MYO5A: variants seen among roughly 807,000 people sequenced by gnomAD.
The protein encoded by MYO5A is myosin VA.
In MYO5A, 98 loss-of-function variants were observed where a neutral mutation model predicts 249.7. The observed-to-expected ratio is 0.39, with a 90% CI of 0.33 to 0.46. The LOEUF (loss-of-function observed/expected upper bound fraction) is 0.46, where lower values mean the gene tolerates loss of function less well. Among genes scored for constraint, MYO5A ranks in the 20% least tolerant of loss-of-function variants. The probability of loss-of-function intolerance (pLI) is 0.98; values close to 1 mark genes in which losing one functional copy is unlikely to be tolerated. For synonymous variants in MYO5A, 778 were observed against 810.6 expected, an observed-to-expected ratio of 0.96 and a Z score of 0.68; for missense variants, 1,696 against 2,308.8, an observed-to-expected ratio of 0.73 and a Z score of 5.44.
chr15:52,367,115 T>G lies in MYO5A; in HGVS notation c.3076A>C (p.Asn1026His), dbSNP rs749563645. 1.2e-6 allele frequency: 2 copies of G among 1,613,274 alleles called. No individual in the cohort carries two copies. Among genetic ancestry groups the G allele is most frequent in the East Asian group, 4.5e-5 (2 of 44,856 alleles). ...AGCAAAGTATTTTCTTCCTTCAGAT[T>G]TGATACCAGCTACGAAATGAAACAA... is the stretch of plus-strand genomic sequence containing the variant. Reference protein sequence around the residue: ...YKQETEQLVSNLKEENTLLKQ... With the variant: ...YKQETEQLVSHLKEENTLLKQ... Residue 1026 changes from asparagine to histidine, a missense_variant, in exon 23 of 42, where the codon AAT becomes CAT. Physicochemically the swap from Asn to His is moderately conservative, Grantham distance 68. Around this residue, in one of 5 missense-constraint regions of MYO5A, gnomAD observed 412 missense variants for 453.3 expected, o/e 0.91. Transcript: ENST00000399233.
chr15:52,449,808 T>A (rs144473056), intron 1 of MYO5A, among the ~76,000 whole-genome samples: 8 of 152,276 alleles, frequency 5.3e-5, no homozygotes, highest in African/African-American at 7.2e-5. Context: ...AAGATCAGCC[T>A]GGGCAACACA....
rs187665355 is a variant in MYO5A, at chr15:52,333,322, T to A, written c.4409-2823A>T. Among the ~76,000 whole-genome samples the A allele has an allele frequency of 9.2e-5, 14 of 152,276 alleles. No individual in the cohort carries two copies. The East Asian group carries it at 2.7e-3, about 29-fold the overall frequency. On this transcript the variant is annotated intron_variant, in intron 34 of 41. Transcript: ENST00000399233. The stretch of plus-strand genomic sequence containing the variant: ...TTCTGTCTTCAAAAAGGAAAGAAAA[T>A]TGGAAAGTTTTAAAAAAATTTACTT...
intron 1 of MYO5A, among the ~76,000 whole-genome samples, chr15:52,457,826 A>G (rs2141396206): frequency 6.6e-6 from 1 of 152,356 alleles, no homozygotes; most frequent in South Asian, 2.1e-4. Flanking sequence ...TTATTGCAGT[A>G]CTATTAACAA....
At chr15:52,472,425 AG>A (rs2076494566) in intron 1 of MYO5A, among the ~76,000 whole-genome samples, 1 of 151,926 alleles carries the variant, frequency 6.6e-6, no homozygotes, top group Admixed American at 6.6e-5. Flanking sequence ...TTTAAGTTCT[AG>A]GGTACATGTG....
intron 1 of MYO5A, chr15:52,435,685 T>G: frequency 2.2e-6 from 1 of 455,284 alleles, no homozygotes; most frequent in Non-Finnish European, 4.4e-6. Context: ...GGTAAAATTT[T>G]TTACTTAAAG....
At position 52,375,308 on chromosome 15, in the gene MYO5A, C is replaced by T. The variant is rs483352686; in HGVS notation, c.2573G>A (p.Arg858His). The T allele has an allele frequency of 6.3e-5, 101 of 1,613,892 alleles. No individual in the cohort carries two copies. Among genetic ancestry groups the T allele is most frequent in the Non-Finnish European group, 7.7e-5 (91 of 1,179,950 alleles). ...AAGTTGAAAATAATGCCTCACCTTG[C>T]GATACCTATTTCTGGCCAAGAAGCC... ...LRGFLARNRYRKILREHKAVI... is the reference protein window; with the variant it reads ...LRGFLARNRYHKILREHKAVI... The change falls in exon 20 of 42, where the codon CGC becomes CAC. Residue 858 changes from arginine (R) to histidine (H), a missense_variant. By Grantham distance (29) the Arg-to-His change is conservative. Around this residue, in one of 5 missense-constraint regions of MYO5A, gnomAD observed 412 missense variants for 453.3 expected, o/e 0.91. Coordinates refer to ENST00000399233, the MANE Select transcript of MYO5A (RefSeq NM_001382347.1).
rs1319169208 is a variant in MYO5A at position 52,308,468 on chromosome 15, A to G, written c.*5228T>C. 1 of 152,232 alleles carries G rather than the reference A, an allele frequency of 6.6e-6. No homozygotes were observed. Among genetic ancestry groups the G allele is most frequent in the Non-Finnish European group, 1.5e-5 (1 of 68,044 alleles). 9.4% of individuals were successfully genotyped at this position (152,232 alleles called of 1,614,324 possible). On this transcript the variant is annotated 3_prime_UTR_variant, in exon 42 of 42. Transcript: ENST00000399233. ...TGAGTTATACCCTTTACCTTTAGTA[A>G]CAAAAGGTTAGTAGAAAGCAAGACA... is the stretch of plus-strand genomic sequence containing the variant.
chr15:52,404,879 AGGTGTTG>A (rs1447016818), intron 9 of MYO5A, among the ~76,000 whole-genome samples: 1 of 152,136 alleles, frequency 6.6e-6, no homozygotes, highest in Non-Finnish European at 1.5e-5. Flanking sequence ...ATGCCAAGTA[AGGTGTTG>A]GGTCTGCTTC....
At chr15:52,466,289 A>T (rs1455446773) in intron 1 of MYO5A, among the ~76,000 whole-genome samples, 1 of 152,124 alleles carries the variant, frequency 6.6e-6, no homozygotes, top group East Asian at 1.9e-4. Context: ...AACCTGTGGG[A>T]GGGGCTCCCA....
intron 22 of MYO5A, among the ~76,000 whole-genome samples, chr15:52,367,408 T>C (rs1189433179): frequency 6.6e-6 from 1 of 152,236 alleles, no homozygotes; most frequent in Non-Finnish European, 1.5e-5. Flanking sequence ...TTTTCCAGAA[T>C]AGACTAGAAT....
In MYO5A at chr15:52,323,343, A is replaced by C; in HGVS notation, c.4800+12T>G. On this transcript the variant is annotated intron_variant, in intron 37 of 41. Coordinates refer to ENST00000399233, the MANE Select transcript of MYO5A (RefSeq NM_001382347.1). ...GTATAGCATGCTGGTTTTGTAATCA[A>C]GGTTTTCTCACCTCTTCTCCACTGT... The C allele has an allele frequency of 6.2e-7, 1 of 1,606,518 alleles. No individual in the cohort carries two copies. Among genetic ancestry groups the C allele is most frequent in the Non-Finnish European group, 8.5e-7 (1 of 1,173,242 alleles).
rs1031118872 is a variant in MYO5A, at chr15:52,505,608, T to G, written c.27+23172A>C. ...AAAAACCTGCACTTGTTTCCAAGTCTTCCATCTTATTAGATGTGAAATCTT... is the reference window on the plus strand; with the variant it reads ...AAAAACCTGCACTTGTTTCCAAGTCGTCCATCTTATTAGATGTGAAATCTT... On this transcript the variant is annotated intron_variant, in intron 1 of 41. Transcript: ENST00000399233. The G allele has an allele frequency of 3.6e-6, 5 of 1,397,750 alleles. No individual in the cohort carries two copies. The African/African-American group carries it at 7.1e-5, about 20-fold the overall frequency. The allele number at this position is 1,397,750 out of a possible 1,614,324, so 86.6% of individuals were successfully genotyped here. A position where few individuals can be genotyped will look rare whatever the true frequency, so the allele number is the denominator to read the frequency against.
chr15:52,524,678 G>A (rs987783590), intron 1 of MYO5A, among the ~76,000 whole-genome samples: 11 of 152,024 alleles, frequency 7.2e-5, no homozygotes, highest in Non-Finnish European at 1.2e-4. Flanking sequence ...AGGAGTTTAA[G>A]ACCAGCCTGG....
At chr15:52,501,019 G>C (rs2077145464) in intron 1 of MYO5A, among the ~76,000 whole-genome samples, 1 of 151,912 alleles carries the variant, frequency 6.6e-6, no homozygotes, top group African/African-American at 2.4e-5. Context: ...GCCCAGGCTG[G>C]AGTGCAGTGG....
chr15:52,362,787 G>T (rs912239114), intron 24 of MYO5A, among the ~76,000 whole-genome samples: 1 of 152,148 alleles, frequency 6.6e-6, no homozygotes, highest in Non-Finnish European at 1.5e-5. Flanking sequence ...GCTGGAGGAG[G>T]CGTCACTGGA....
intron 25 of MYO5A, among the ~76,000 whole-genome samples, chr15:52,354,767 T>G (rs1043844054): frequency 3.3e-5 from 5 of 152,048 alleles, no homozygotes; most frequent in African/African-American, 1.2e-4. Context: ...GGGAGGAGAA[T>G]TGCTTGAACC....
chr15:52,446,917 C>A (rs561213456), intron 1 of MYO5A, among the ~76,000 whole-genome samples: 1 of 152,264 alleles, frequency 6.6e-6, no homozygotes, highest in African/African-American at 2.4e-5. Flanking sequence ...GGTATCTTGG[C>A]AGTAGTCAAC....
At chr15:52,506,715 A>T (rs1396378568) in intron 1 of MYO5A, among the ~76,000 whole-genome samples, 1 of 151,886 alleles carries the variant, frequency 6.6e-6, no homozygotes, top group Non-Finnish European at 1.5e-5. Context: ...TGCACCTGTA[A>T]TCCCAGATAC....
intron 1 of MYO5A, among the ~76,000 whole-genome samples, chr15:52,492,792 T>C (rs2076960082): frequency 6.6e-6 from 1 of 152,218 alleles, no homozygotes; most frequent in African/African-American, 2.4e-5. Context: ...AGTGAGGATA[T>C]AGCTGACATA....
Sources: allele counts gnomAD v4.1 joint callset (sites outside exome capture counted in the v4.1 genomes callset), GRCh38; gene constraint gnomAD v4.1.1; regional missense constraint gnomAD v4.1.1; transcripts MANE v1.5; gene names NCBI Gene and HGNC (gene_info 2026-07-23, HGNC 2026-07-21).